IFT88: variants seen among roughly 807,000 people sequenced by gnomAD.
IFT88 encodes the protein intraflagellar transport protein 88 homolog.
IFT88 carries 74 observed loss-of-function variants against 119.5 expected under a neutral mutation model. The ratio of observed to expected loss-of-function variants is 0.62; its 90% confidence interval spans 0.51 to 0.75. IFT88 has a LOEUF of 0.75. Among genes scored for constraint, IFT88 ranks in the 30% least tolerant of loss-of-function variants. The pLI, the probability that IFT88 is intolerant of heterozygous loss-of-function variation, is 0.00. For synonymous variants in IFT88, 279 were observed against 316.7 expected (o/e 0.88, Z 1.26); for missense variants, 961 against 977.7 (o/e 0.98, Z 0.23).
intron 24 of IFT88, among the ~76,000 whole-genome samples, chr13:20,674,871 G>A (rs112248834): frequency 1.0e-4 from 15 of 150,588 alleles, no homozygotes; most frequent in African/African-American, 2.7e-4. Flanking sequence ...CCACCACCAC[G>A]CCCGGCTAAT....
At position 20,617,311 on chromosome 13, in the gene IFT88, A is replaced by G. The variant is rs1205107252; in HGVS notation, c.1199+1432A>G. ...GGTGGGGTGGGTAAGGGATTCAGATAAGCCAGAAGCAGGGTGATTTTTAGT... is the reference window on the plus strand; with the variant it reads ...GGTGGGGTGGGTAAGGGATTCAGATGAGCCAGAAGCAGGGTGATTTTTAGT... On this transcript the variant is annotated intron_variant, in intron 14 of 25. Coordinates refer to ENST00000351808, the MANE Select transcript of IFT88 (RefSeq NM_006531.5). 2.6e-5 allele frequency among the ~76,000 whole-genome samples: 4 copies of G among 152,126 alleles called. No individual in the cohort carries two copies. The South Asian group carries it at 8.3e-4, about 32-fold the overall frequency.
At chr13:20,669,251 T>C (rs184833927) in intron 23 of IFT88, among the ~76,000 whole-genome samples, 160 of 152,060 alleles carry the variant, frequency 1.1e-3, no homozygotes, top group Admixed American at 2.6e-3. Context: ...TCTAGATGAG[T>C]GCAGGGAACA....
chr13:20,616,730 G>T (rs2045673728), intron 14 of IFT88, among the ~76,000 whole-genome samples: 1 of 152,090 alleles, frequency 6.6e-6, no homozygotes, highest in Non-Finnish European at 1.5e-5. Context: ...CAAGTATTAT[G>T]TACTGTACAT....
At chr13:20,594,246 A>G (rs1213497998) in intron 7 of IFT88, among the ~76,000 whole-genome samples, 2 of 152,134 alleles carry the variant, frequency 1.3e-5, no homozygotes, top group Non-Finnish European at 2.9e-5. Flanking sequence ...TATGATGCCA[A>G]GAGAGTGTTG....
chr13:20,682,656 C>T (rs542688351), intron 24 of IFT88, among the ~76,000 whole-genome samples: 9 of 152,254 alleles, frequency 5.9e-5, no homozygotes, highest in East Asian at 1.9e-4. Flanking sequence ...CTCGAGAAAT[C>T]GAGTTTTGTA....
At chr13:20,641,113 C>T (rs1005566826) in intron 17 of IFT88, among the ~76,000 whole-genome samples, 177 bp from the exon 18 acceptor site, 1 of 152,172 alleles carries the variant, frequency 6.6e-6, no homozygotes, top group Non-Finnish European at 1.5e-5. Context: ...TGCCACTACA[C>T]TCCAGTGTGG....
At chr13:20,655,628 G>A (rs1479507009) in intron 21 of IFT88, among the ~76,000 whole-genome samples, 1 of 151,878 alleles carries the variant, frequency 6.6e-6, no homozygotes, top group East Asian at 1.9e-4. Context: ...CCAGTAGCTG[G>A]GTTTATAGGT....
chr13:20,657,792 A>T (rs2140669992), intron 22 of IFT88, among the ~76,000 whole-genome samples: 1 of 152,186 alleles, frequency 6.6e-6, no homozygotes, highest in African/African-American at 2.4e-5. Context: ...TAAATAAATA[A>T]ATAAATTTGT....
At chr13:20,661,460 G>A (rs2053764356) in intron 22 of IFT88, among the ~76,000 whole-genome samples, 1 of 152,192 alleles carries the variant, frequency 6.6e-6, no homozygotes, top group Admixed American at 6.5e-5. Flanking sequence ...ATGCGGCTGG[G>A]TGCGGTGGCA....
intron 24 of IFT88, among the ~76,000 whole-genome samples, chr13:20,688,240 G>A (rs527710285): frequency 6.6e-6 from 1 of 152,296 alleles, no homozygotes; most frequent in South Asian, 2.1e-4. Context: ...CCAGCTACTC[G>A]AGAGGCTGAG....
chr13:20,568,754 C>G (rs1304810981), intron 1 of IFT88, among the ~76,000 whole-genome samples: 1 of 152,068 alleles, frequency 6.6e-6, no homozygotes, highest in African/African-American at 2.4e-5. Flanking sequence ...GTCGCACGCT[C>G]TGTTGCCCAG....
intron 19 of IFT88, among the ~76,000 whole-genome samples, chr13:20,644,104 C>A (rs557424221): frequency 2.0e-5 from 3 of 152,108 alleles, no homozygotes; most frequent in Admixed American, 2.0e-4. Context: ...TGGTGGCTCA[C>A]GTCTATAATC....
intron 15 of IFT88, among the ~76,000 whole-genome samples, chr13:20,629,089 TC>T (rs1421549161): frequency 6.6e-6 from 1 of 152,164 alleles, no homozygotes; most frequent in Non-Finnish European, 1.5e-5. Flanking sequence ...AGCTTTCTTT[TC>T]CTGTACACTT....
chr13:20,571,184 C>A (rs899879734), intron 1 of IFT88, among the ~76,000 whole-genome samples: 3 of 151,786 alleles, frequency 2.0e-5, no homozygotes, highest in Non-Finnish European at 4.4e-5. Context: ...TTAGTAGAGA[C>A]GGGGTTTCAC....
At chr13:20,613,058 C>T (rs2044875610) in intron 13 of IFT88, among the ~76,000 whole-genome samples, 1 of 151,878 alleles carries the variant, frequency 6.6e-6, no homozygotes, top group Admixed American at 6.6e-5. Context: ...ACACCAAAAG[C>T]ACAAGTGACA....
rs1168606683 is a variant in IFT88, at chr13:20,663,559, C to G, written c.2130C>G (p.Ala710=). The change falls in exon 23 of 26, where the codon GCC becomes GCG. Residue 710 remains alanine (A), a synonymous_variant. Coordinates refer to ENST00000351808, the MANE Select transcript of IFT88 (RefSeq NM_006531.5). The part of the protein sequence containing the change: ...DLGLKDAQEY[A]RKLKRLEKMK... ...GATTAAAAGATGCTCAAGAATATGCCAGAAAACTGAAGAGGTTGGAAAAAA... is the reference window on the plus strand; with the variant it reads ...GATTAAAAGATGCTCAAGAATATGCGAGAAAACTGAAGAGGTTGGAAAAAA... 2 of 1,613,656 alleles carry G rather than the reference C, an allele frequency of 1.2e-6. No homozygotes were observed. Among genetic ancestry groups the G allele is most frequent in the Non-Finnish European group, 1.7e-6 (2 of 1,179,906 alleles).
chr13:20,623,605 G>C (rs886541018), intron 14 of IFT88, among the ~76,000 whole-genome samples: 1 of 152,104 alleles, frequency 6.6e-6, no homozygotes, highest in African/African-American at 2.4e-5. Context: ...CTCCCAAGTA[G>C]CTGGGACTAC....
intron 13 of IFT88, chr13:20,608,066 A>G: frequency 1.9e-6 from 1 of 525,754 alleles, no homozygotes; most frequent in East Asian, 4.3e-5. Flanking sequence ...CACGGGGACT[A>G]TCATGGCTGC....
At chr13:20,641,018 G>A (rs1411530777) in intron 17 of IFT88, among the ~76,000 whole-genome samples, 3 of 152,036 alleles carry the variant, frequency 2.0e-5, no homozygotes, top group African/African-American at 4.8e-5. Flanking sequence ...GTGGTAGCAC[G>A]TGCATATAAT....
Sources: gnomAD v4.1 joint callset for allele counts (sites outside exome capture counted in the v4.1 genomes callset) on GRCh38, gnomAD v4.1.1 for gene constraint, MANE v1.5 for transcripts, NCBI Gene and HGNC (gene_info 2026-07-23, HGNC 2026-07-21) for gene names.